PTPRQ: variants seen among roughly 807,000 people sequenced by gnomAD.
PTPRQ encodes phosphatidylinositol phosphatase PTPRQ.
Under a neutral mutation model 246.0 loss-of-function variants are expected in PTPRQ, and 199 were observed. The ratio of observed to expected loss-of-function variants is 0.81; its 90% CI spans 0.72 to 0.91. The LOEUF (loss-of-function observed/expected upper bound fraction) is 0.91. Ranked by LOEUF, PTPRQ falls within the 40% of genes least tolerant of loss-of-function variation. The probability of loss-of-function intolerance (pLI) is 0.00; values close to 1 mark genes in which losing one functional copy is unlikely to be tolerated. For missense variants in PTPRQ, 2,624 were observed against 2,528.4 expected (o/e 1.04, Z -0.81); for synonymous variants, 869 against 853.2 (o/e 1.02, Z -0.32).
At chr12:80,483,968 A>G (rs1411016892) in intron 8 of PTPRQ, among the ~76,000 whole-genome samples, 3 of 144,860 alleles carry the variant, frequency 2.1e-5, no homozygotes, top group Non-Finnish European at 3.0e-5. Flanking sequence ...GTTTTTGTCT[A>G]TTTTCTTTCT....
chr12:80,562,010 T>G (rs1393867495), intron 25 of PTPRQ, among the ~76,000 whole-genome samples: 1 of 152,198 alleles, frequency 6.6e-6, no homozygotes. Context: ...AAATGCTTTT[T>G]TTTGCATTGA....
chr12:80,462,024 G>A (rs7137294), intron 6 of PTPRQ: 381,368 of 699,716 alleles, frequency 0.55, 110,029 homozygotes, highest in South Asian at 0.63. Context: ...AGGTCAGTGC[G>A]TGCAGTGCGC....
intron 17 of PTPRQ, among the ~76,000 whole-genome samples, chr12:80,527,820 A>G (rs970172198): frequency 9.9e-5 from 15 of 152,022 alleles, no homozygotes; most frequent in African/African-American, 3.6e-4. Flanking sequence ...AGATATCTAA[A>G]AATTAAGAAA....
intron 33 of PTPRQ, among the ~76,000 whole-genome samples, chr12:80,629,181 G>A (rs1262700832): frequency 2.0e-5 from 3 of 151,874 alleles, no homozygotes; most frequent in Non-Finnish European, 4.4e-5. Context: ...CACAGAGAGA[G>A]AGAAAGAGAG....
At chr12:80,654,027 CT>C (rs1170063720) in intron 38 of PTPRQ, among the ~76,000 whole-genome samples, 1 of 151,464 alleles carries the variant, frequency 6.6e-6, no homozygotes, top group Admixed American at 6.6e-5. Context: ...TTTTTTCTTT[CT>C]TTCTTTTTTT....
At position 80,490,053 on chromosome 12, in the gene PTPRQ, T is replaced by C. The variant is rs186973717; in HGVS notation, c.1360-3222T>C. 5.3e-5 allele frequency among the ~76,000 whole-genome samples: 8 copies of C among 151,750 alleles called. No homozygotes were observed. In the East Asian group the frequency reaches 1.6e-3, roughly 29 times the overall value. On this transcript the variant is annotated intron_variant, in intron 9 of 44. Coordinates refer to ENST00000644991, the MANE Select transcript of PTPRQ (RefSeq NM_001145026.2). Reference sequence around the variant, plus strand: ...TGAGGCTGAGGACAGAACCCAAGAGTAGTTTAGGAATGTCTTGAGATAGGT... The same window carrying C: ...TGAGGCTGAGGACAGAACCCAAGAGCAGTTTAGGAATGTCTTGAGATAGGT...
chr12:80,509,020 T>C (rs908376766), intron 16 of PTPRQ, among the ~76,000 whole-genome samples: 1 of 152,046 alleles, frequency 6.6e-6, no homozygotes, highest in Non-Finnish European at 1.5e-5. Flanking sequence ...TATTTATAGG[T>C]ATTTGCTTTG....
Position 80,679,235 on chromosome 12 carries a change from G to T in PTPRQ, c.*212G>T. 1 of 467,040 alleles carries T rather than the reference G, an allele frequency of 2.1e-6. No individual in the cohort carries two copies. Among genetic ancestry groups the T allele is most frequent in the Non-Finnish European group, 3.4e-6 (1 of 295,422 alleles). 28.9% of individuals were successfully genotyped at this position (467,040 alleles called of 1,614,324 possible). On this transcript the variant is annotated 3_prime_UTR_variant, in exon 45 of 45. Transcript: ENST00000644991. ...TTGTTTTGTACAGAATAAATATTATGCATTTTAAATGCTTAAGAAAAGACA... is the reference window on the plus strand; with the variant it reads ...TTGTTTTGTACAGAATAAATATTATTCATTTTAAATGCTTAAGAAAAGACA...
In PTPRQ at chr12:80,652,904, T is replaced by A. The variant is rs540922097; in HGVS notation, c.6115+70T>A. 12 of 1,386,380 alleles carry A rather than the reference T, an allele frequency of 8.7e-6. No homozygotes were observed. The South Asian group carries it at 2.3e-4, about 26-fold the overall frequency. 85.9% of individuals were successfully genotyped at this position (1,386,380 alleles called of 1,614,324 possible). ...AATGCCTACCATCTTAACTTTTTTG[T>A]TTCCTTAATATATTTTATTTTATAT... On this transcript the variant is annotated intron_variant, in intron 38 of 44. Coordinates refer to ENST00000644991, the MANE Select transcript of PTPRQ (RefSeq NM_001145026.2).
At position 80,657,886 on chromosome 12, in the gene PTPRQ, A is replaced by C. The variant is rs141501813; in HGVS notation, c.6116-99A>C. On this transcript the variant is annotated intron_variant, in intron 38 of 44. Coordinates refer to ENST00000644991, the MANE Select transcript of PTPRQ (RefSeq NM_001145026.2). ...AATTTACCGCCATCTGTGAAATTGG[A>C]ATGTTATATTATGAACTCCTTTGTA... 5.7e-4 allele frequency: 477 copies of C among 832,828 alleles called. 5 individuals are homozygous for C. The Admixed American group carries it at 0.015, about 26-fold the overall frequency. 51.6% of individuals were successfully genotyped at this position (832,828 alleles called of 1,614,324 possible). A position where few individuals can be genotyped will look rare whatever the true frequency, so the allele number is the denominator to read the frequency against.
At chr12:80,478,211 G>T (rs1893891011) in intron 8 of PTPRQ, among the ~76,000 whole-genome samples, 2 of 149,192 alleles carry the variant, frequency 1.3e-5, no homozygotes, top group South Asian at 4.2e-4. Flanking sequence ...TCCTCAAGTG[G>T]GTCCCTGACC....
At position 80,549,714 on chromosome 12, in the gene PTPRQ, T is replaced by A; in HGVS notation, c.4265T>A (p.Val1422Asp). ...AGEGDESTCHVSTLPETVPSV... is the reference protein window; with the variant it reads ...AGEGDESTCHDSTLPETVPSV... Reference sequence around the variant, plus strand: ...GAAGGTGATGAAAGCACATGCCATGTCAGCACACTACCTGAAACAGGTAAC... The same window carrying A: ...GAAGGTGATGAAAGCACATGCCATGACAGCACACTACCTGAAACAGGTAAC... The change falls in exon 25 of 45, where the codon GTC becomes GAC. Residue 1422 changes from valine (V) to aspartate (D), a missense_variant. By Grantham distance (152) the Val-to-Asp change is radical. Coordinates refer to ENST00000644991, the MANE Select transcript of PTPRQ (RefSeq NM_001145026.2). The A allele has an allele frequency of 6.5e-7, 1 of 1,549,348 alleles. No individual in the cohort carries two copies. Among genetic ancestry groups the A allele is most frequent in the Non-Finnish European group, 8.7e-7 (1 of 1,145,718 alleles).
intron 3 of PTPRQ, among the ~76,000 whole-genome samples, chr12:80,450,225 T>A (rs1221856089): frequency 6.6e-6 from 1 of 152,168 alleles, no homozygotes; most frequent in African/African-American, 2.4e-5. Context: ...GTACATTGAT[T>A]TTGTATCCTG....
At position 80,472,201 on chromosome 12, in the gene PTPRQ, G is replaced by C. The variant is rs1298257975; in HGVS notation, c.1136G>C (p.Ser379Thr). 3 of 1,551,562 alleles carry C rather than the reference G, an allele frequency of 1.9e-6. No homozygotes were observed. Reference sequence around the variant, plus strand: ...GATGTCTATATTGCGGCTGAAACCAGTGCAGGGACTGGGCCCAAGTCAAAT... The same window carrying C: ...GATGTCTATATTGCGGCTGAAACCACTGCAGGGACTGGGCCCAAGTCAAAT... ...MYDVYIAAET[S>T]AGTGPKSNIS... Residue 379 changes from serine to threonine, a missense_variant, in exon 8 of 45, where the codon AGT becomes ACT. By Grantham distance (58) the Ser-to-Thr change is moderately conservative. Coordinates refer to ENST00000644991, the MANE Select transcript of PTPRQ (RefSeq NM_001145026.2).
At chr12:80,618,343 A>G (rs1336583483) in intron 30 of PTPRQ, among the ~76,000 whole-genome samples, 2 of 144,894 alleles carry the variant, frequency 1.4e-5, no homozygotes, top group Non-Finnish European at 3.0e-5. Flanking sequence ...TAACTTACTG[A>G]TGCTCAAGCA....
At chr12:80,574,823 A>G (rs888568069) in intron 25 of PTPRQ, among the ~76,000 whole-genome samples, 2 of 152,144 alleles carry the variant, frequency 1.3e-5, no homozygotes, top group African/African-American at 2.4e-5. Flanking sequence ...TCGGTTTTTC[A>G]GCTGTCTTTC....
chr12:80,531,932 A>G (rs12371797), intron 17 of PTPRQ, among the ~76,000 whole-genome samples: 15,909 of 152,138 alleles, frequency 0.1, 947 homozygotes, highest in African/African-American at 0.13. Flanking sequence ...ATTTATAACA[A>G]CAAGCTTCTT....
intron 35 of PTPRQ, among the ~76,000 whole-genome samples, chr12:80,644,410 G>A (rs933797450): frequency 3.9e-5 from 6 of 152,118 alleles, no homozygotes; most frequent in African/African-American, 1.4e-4. Flanking sequence ...TAGTCTGACA[G>A]TAACCTTCAC....
rs759987313 is a variant in PTPRQ at position 80,669,125 on chromosome 12, G to A, written c.6311G>A (p.Cys2104Tyr). ...RAKTLVMLTQCFEKGRIRCHQ... is the reference protein window; with the variant it reads ...RAKTLVMLTQYFEKGRIRCHQ... ...AAAACATTAGTAATGCTAACACAGT[G>A]TTTTGAAAAAGGACGGGTAAGTTAT... is the stretch of plus-strand genomic sequence containing the variant. Residue 2104 changes from cysteine (C) to tyrosine (Y), a missense_variant, in exon 40 of 45, where the codon TGT (cysteine) becomes TAT (tyrosine). Physicochemically the swap from Cys to Tyr is radical, Grantham distance 194. Transcript: ENST00000644991. 7 of 1,546,084 alleles carry A rather than the reference G, an allele frequency of 4.5e-6. No homozygotes were observed. Among genetic ancestry groups the A allele is most frequent in the Non-Finnish European group, 5.2e-6 (6 of 1,144,816 alleles).
Sources: allele counts gnomAD v4.1 joint callset (sites outside exome capture counted in the v4.1 genomes callset), GRCh38; gene constraint gnomAD v4.1.1; transcripts MANE v1.5; gene names NCBI Gene and HGNC (gene_info 2026-07-23, HGNC 2026-07-21).